The following TSPAN12 variants were observed in gnomAD, a reference collection of about 807,000 sequenced individuals.
TSPAN12 encodes the protein tetraspanin 12.
In TSPAN12, 19 loss-of-function variants were observed where a neutral mutation model predicts 39.2. The observed-to-expected ratio is 0.49, with a 90% confidence interval of 0.34 to 0.71. The LOEUF (loss-of-function observed/expected upper bound fraction) is 0.71, where lower values mean the gene tolerates loss of function less well. TSPAN12 is among the 30% of genes least tolerant of loss of function. The pLI is 0.01. For missense variants in TSPAN12, 314 were observed against 359.9 expected, an observed-to-expected ratio of 0.87 and a Z score of 1.03; for synonymous variants, 119 against 124.8, an observed-to-expected ratio of 0.95 and a Z score of 0.31.
At chr7:120,805,834 T>C (rs909475128) in intron 7 of TSPAN12, among the ~76,000 whole-genome samples, 2 of 152,152 alleles carry the variant, frequency 1.3e-5, no homozygotes, top group Admixed American at 1.3e-4. Context: ...GCTATTTGGC[T>C]GCTGTAGAGG....
intron 1 of TSPAN12, 57 bp from the exon 2 acceptor site, chr7:120,856,890 CCT>C (rs1794883067): frequency 4.0e-6 from 4 of 1,005,482 alleles, no homozygotes; most frequent in Non-Finnish European, 6.2e-6. Flanking sequence ...CTTCCCACAG[CCT>C]GCCCGTCCCT....
At chr7:120,796,110 G>A (rs1324424861) in intron 7 of TSPAN12, among the ~76,000 whole-genome samples, 2 of 152,152 alleles carry the variant, frequency 1.3e-5, no homozygotes, top group African/African-American at 4.8e-5. Context: ...CAGAAAACCT[G>A]GAAGGCTTCT....
chr7:120,847,494 C>T (rs1038744799), intron 2 of TSPAN12, among the ~76,000 whole-genome samples: 1 of 152,206 alleles, frequency 6.6e-6, no homozygotes, highest in African/African-American at 2.4e-5. Context: ...AACTTACCTC[C>T]ATTCCTCCAA....
intron 5 of TSPAN12, among the ~76,000 whole-genome samples, chr7:120,812,559 A>G (rs1286114768): frequency 3.3e-5 from 5 of 152,216 alleles, no homozygotes; most frequent in Non-Finnish European, 7.4e-5. Context: ...AAAATTCCTG[A>G]CCACAGAAAA....
At chr7:120,817,958 C>G (rs1341972534) in intron 4 of TSPAN12, among the ~76,000 whole-genome samples, 1 of 152,054 alleles carries the variant, frequency 6.6e-6, no homozygotes, top group Non-Finnish European at 1.5e-5. Context: ...GCAAACAAAG[C>G]AGAAAGGTAT....
chr7:120,824,627 A>AT (rs1794250847), intron 4 of TSPAN12, among the ~76,000 whole-genome samples: 1 of 152,086 alleles, frequency 6.6e-6, no homozygotes, highest in African/African-American at 2.4e-5. Context: ...GAAAAAGTAA[A>AT]TTTTTTCTTT....
At chr7:120,807,912 G>A (rs1793906984) in intron 6 of TSPAN12, among the ~76,000 whole-genome samples, 2 of 152,036 alleles carry the variant, frequency 1.3e-5, no homozygotes, top group Non-Finnish European at 2.9e-5. Context: ...TCAAAGTCAT[G>A]AGTATACTAT....
intron 7 of TSPAN12, among the ~76,000 whole-genome samples, chr7:120,798,255 C>G (rs552019912): frequency 1.6e-4 from 24 of 152,226 alleles, no homozygotes; most frequent in South Asian, 8.3e-4. Flanking sequence ...GGATCTTCCC[C>G]CCTACCAAGC....
chr7:120,800,744 G>GTGTT (rs1793751569), intron 7 of TSPAN12, among the ~76,000 whole-genome samples: 1 of 118,738 alleles, frequency 8.4e-6, no homozygotes. Flanking sequence ...TTTCCTTATC[G>GTGTT]TTTTTTTTTG....
At chr7:120,799,445 AT>A (rs1461441221) in intron 7 of TSPAN12, among the ~76,000 whole-genome samples, 25 of 136,870 alleles carry the variant, frequency 1.8e-4, no homozygotes, top group African/African-American at 5.7e-4. Flanking sequence ...ATATAATTTA[AT>A]TTATATATAA....
intron 2 of TSPAN12, among the ~76,000 whole-genome samples, chr7:120,854,946 T>C (rs777602014): frequency 4.6e-5 from 7 of 152,004 alleles, no homozygotes; most frequent in Non-Finnish European, 7.4e-5. Context: ...CATAGAAAGT[T>C]AGAAGGTTTA....
chr7:120,790,936 C>G (rs1793510227), intron 7 of TSPAN12, among the ~76,000 whole-genome samples: 1 of 152,018 alleles, frequency 6.6e-6, no homozygotes, highest in Non-Finnish European at 1.5e-5. Flanking sequence ...GATTCCTTAC[C>G]TATGTGCTCG....
intron 4 of TSPAN12, among the ~76,000 whole-genome samples, chr7:120,818,361 G>C (rs1440408573): frequency 6.6e-6 from 1 of 151,982 alleles, no homozygotes; most frequent in Non-Finnish European, 1.5e-5. Context: ...GTGAAAAAAT[G>C]ACCTGTAGAA....
chr7:120,823,801 A>G (rs1288423572), intron 4 of TSPAN12, among the ~76,000 whole-genome samples: 1 of 152,234 alleles, frequency 6.6e-6, no homozygotes, highest in Non-Finnish European at 1.5e-5. Context: ...GCAATGTTTC[A>G]TCATAAGCTT....
chr7:120,838,979 G>A (rs1794530358), intron 3 of TSPAN12, 67 bp from the exon 4 acceptor site: 2 of 1,500,406 alleles, frequency 1.3e-6, no homozygotes, highest in African/African-American at 1.4e-5. Flanking sequence ...CATAGCAGAA[G>A]ACACAACTGT....
At chr7:120,850,491 C>T (rs1250856174) in intron 2 of TSPAN12, among the ~76,000 whole-genome samples, 1 of 152,178 alleles carries the variant, frequency 6.6e-6, no homozygotes, top group Non-Finnish European at 1.5e-5. Context: ...TCCCCAGTGT[C>T]CCAGCTCAGG....
chr7:120,814,057 G>A lies in TSPAN12; in HGVS notation c.360+1672C>T, dbSNP rs1465889089. 1.9e-5 allele frequency: 7 copies of A among 372,354 alleles called. No homozygotes were observed. The East Asian group carries it at 3.8e-4, about 20-fold the overall frequency. The allele number at this position is 372,354 out of a possible 1,614,324, so 23.1% of individuals were successfully genotyped here. On this transcript the variant is annotated intron_variant, in intron 5 of 7. Coordinates refer to ENST00000222747, the MANE Select transcript of TSPAN12 (RefSeq NM_012338.4). The stretch of plus-strand genomic sequence containing the variant: ...AGTGTCTTCACAGAGATACATATGT[G>A]TGAGTGTGCCAAAGCACCACTGACA...
chr7:120,811,228 G>T (rs1793974986), intron 5 of TSPAN12, among the ~76,000 whole-genome samples: 1 of 152,284 alleles, frequency 6.6e-6, no homozygotes, highest in South Asian at 2.1e-4. Context: ...ATTTGATCCA[G>T]CAATCCCACT....
At chr7:120,837,314 TA>T (rs1357920704) in intron 4 of TSPAN12, among the ~76,000 whole-genome samples, 3 of 128,208 alleles carry the variant, frequency 2.3e-5, no homozygotes, top group Non-Finnish European at 3.1e-5. Context: ...TTCATTTATT[TA>T]TTTTTTTTTT....
Sources: allele counts gnomAD v4.1 joint callset (sites outside exome capture counted in the v4.1 genomes callset), GRCh38; gene constraint gnomAD v4.1.1; transcripts MANE v1.5; gene names NCBI Gene and HGNC (gene_info 2026-07-23, HGNC 2026-07-21).